Variants in CCDC7 observed in about 807,000 individuals in gnomAD.
The protein encoded by CCDC7 is coiled-coil domain-containing protein 7.
Under a neutral mutation model 196.9 loss-of-function variants are expected in CCDC7, and 183 were observed. The observed-to-expected ratio is 0.93, with a 90% CI of 0.82 to 1.05. The LOEUF (loss-of-function observed/expected upper bound fraction) is 1.05. Among genes scored for constraint, CCDC7 ranks in the 50% least tolerant of loss-of-function variants. The pLI is 0.00. For missense variants in CCDC7, 1,540 were observed against 1,482.2 expected, an observed-to-expected ratio of 1.04 and a Z score of -0.64; for synonymous variants, 525 against 484.6, an observed-to-expected ratio of 1.08 and a Z score of -1.10.
upstream of CCDC7, among the ~76,000 whole-genome samples, chr10:32,443,493 G>A (rs1279316386): frequency 6.6e-6 from 1 of 152,138 alleles, no homozygotes; most frequent in African/African-American, 2.4e-5. Flanking sequence ...TAACTTTCAG[G>A]TATGGCACGA....
At chr10:32,482,768 G>T (rs1323821622) in intron 8 of CCDC7, among the ~76,000 whole-genome samples, 1 of 151,980 alleles carries the variant, frequency 6.6e-6, no homozygotes, top group African/African-American at 2.4e-5. Flanking sequence ...TTGTCCTTGC[G>T]ATAGTTTGCT....
chr10:32,572,416 T>C (rs1327915251), intron 16 of CCDC7, among the ~76,000 whole-genome samples: 1 of 152,136 alleles, frequency 6.6e-6, no homozygotes, highest in Non-Finnish European at 1.5e-5. Flanking sequence ...TTGATTCACA[T>C]TACCATGGAG....
intron 24 of CCDC7, among the ~76,000 whole-genome samples, chr10:32,702,924 G>T (rs2079012338): frequency 6.6e-6 from 1 of 152,224 alleles, no homozygotes; most frequent in South Asian, 2.1e-4. Flanking sequence ...CACGTGAGAT[G>T]GGTTTCCTGA....
intron 29 of CCDC7, among the ~76,000 whole-genome samples, chr10:32,802,752 T>C (rs371352918): frequency 7.2e-5 from 11 of 152,320 alleles, no homozygotes; most frequent in African/African-American, 2.6e-4. Context: ...ACTACTGGTG[T>C]AGGTCCAAGA....
intron 20 of CCDC7, among the ~76,000 whole-genome samples, chr10:32,654,584 T>G (rs2140232142): frequency 6.6e-6 from 1 of 152,300 alleles, no homozygotes; most frequent in East Asian, 1.9e-4. Context: ...AGTGATCAGC[T>G]AATGACTAGA....
rs1317058090 is a variant in CCDC7, at chr10:32,698,035, G to A, written c.2458+3043G>A. Among the ~76,000 whole-genome samples, 5 of 152,336 alleles carry A rather than the reference G, an allele frequency of 3.3e-5. No individual in the cohort carries two copies. In the East Asian group the frequency reaches 9.6e-4, roughly 29 times the overall value. ...GCAATATTATATTTGCTGTTCTGCA[G>A]CCTCCGCTGGTGATACCCAGGCAAA... On this transcript the variant is annotated intron_variant, in intron 24 of 41. Transcript: ENST00000639629.
chr10:32,731,213 G>T (rs935412985), intron 28 of CCDC7, among the ~76,000 whole-genome samples: 2 of 151,952 alleles, frequency 1.3e-5, no homozygotes, highest in Admixed American at 1.3e-4. Flanking sequence ...AAGGTCTTTT[G>T]ACTAAAAGTC....
chr10:32,880,276 T>C (rs531801461), downstream of CCDC7, among the ~76,000 whole-genome samples: 1 of 152,308 alleles, frequency 6.6e-6, no homozygotes, highest in South Asian at 2.1e-4. Flanking sequence ...TCATTGTGGC[T>C]TTGATTTGCA....
rs1033024286 is a variant in CCDC7, at chr10:32,571,970, C to G, written c.1454+77C>G. 10 of 1,319,136 alleles carry G rather than the reference C, an allele frequency of 7.6e-6. No homozygotes were observed. The Admixed American group carries it at 1.2e-4, about 16-fold the overall frequency. 81.7% of individuals were successfully genotyped at this position (1,319,136 alleles called of 1,614,324 possible). A position where few individuals can be genotyped will look rare whatever the true frequency, so the allele number is the denominator to read the frequency against. The stretch of plus-strand genomic sequence containing the variant: ...CACATACCTAAGCAATGAAAATAAC[C>G]ATTCTAAATTTAATGTCACAAAACT... On this transcript the variant is annotated intron_variant, in intron 16 of 41. Transcript: ENST00000639629.
chr10:32,848,602 A>T, exon 39 of CCDC7: 1 of 1,480,190 alleles, frequency 6.8e-7, no homozygotes, highest in Non-Finnish European at 9.5e-7. Flanking sequence ...TTAGATGTGA[A>T]CTTATTTAAA....
intron 18 of CCDC7, among the ~76,000 whole-genome samples, chr10:32,587,741 C>T (rs549600192): frequency 5.3e-5 from 8 of 152,176 alleles, no homozygotes; most frequent in African/African-American, 1.9e-4. Context: ...ATTTGGATGG[C>T]CTTTGTTTCT....
intron 18 of CCDC7, among the ~76,000 whole-genome samples, chr10:32,604,739 A>T (rs9663841): frequency 0.083 from 12,610 of 152,052 alleles, 567 homozygotes; most frequent in East Asian, 0.16. Flanking sequence ...TTAATGTTGT[A>T]TAGAAATGCA....
chr10:32,590,315 G>A (rs141915665), intron 18 of CCDC7, among the ~76,000 whole-genome samples: 188 of 136,334 alleles, frequency 1.4e-3, no homozygotes, highest in African/African-American at 4.2e-3. Context: ...AACACTGATT[G>A]CACAAATAAC....
rs979499816 is a variant in CCDC7, at chr10:32,534,435, G to T, written c.994-8865G>T. Among the ~76,000 whole-genome samples, 6 of 152,092 alleles carry T rather than the reference G, an allele frequency of 3.9e-5. No homozygotes were observed. The East Asian group carries it at 1.2e-3, about 29-fold the overall frequency. On this transcript the variant is annotated intron_variant, in intron 11 of 41. Transcript: ENST00000639629. The stretch of plus-strand genomic sequence containing the variant: ...GTTTTTGCTTTGTCCTTTTGGGGAG[G>T]TTATGATTTCTTGTTTGCTGTTGTT...
rs187092233 is a variant in CCDC7 at position 32,559,000 on chromosome 10, G to A, written c.1135-6558G>A. Among the ~76,000 whole-genome samples, 563 of 152,348 alleles carry A rather than the reference G, an allele frequency of 3.7e-3. 5 individuals carry two copies. The highest frequency in any genetic ancestry group is 6.1e-3 in the Admixed American group (93 of 15,306). ...TTTTCCAACAGGCTTAAAAAACAGC[G>A]CACCAGGAGATTATATCCCGCACAT... On this transcript the variant is annotated intron_variant, in intron 13 of 41. Transcript: ENST00000639629.
At chr10:32,645,584 T>G (rs1049459214) in intron 20 of CCDC7, among the ~76,000 whole-genome samples, 5 of 151,336 alleles carry the variant, frequency 3.3e-5, no homozygotes, top group African/African-American at 1.2e-4. Flanking sequence ...CCTCTTCAAG[T>G]TTTTGGGATA....
At chr10:32,444,473 T>C (rs902830719), upstream of CCDC7, among the ~76,000 whole-genome samples, 3 of 152,112 alleles carry the variant, frequency 2.0e-5, no homozygotes, top group Non-Finnish European at 1.5e-5. Context: ...ATGCTGAGAG[T>C]TTTGCTAATG....
intron 3 of CCDC7, among the ~76,000 whole-genome samples, chr10:32,459,646 ATTTTTT>A (rs60002951): frequency 4.2e-3 from 292 of 68,732 alleles, no homozygotes; most frequent in African/African-American, 0.019. Flanking sequence ...CCTGCTGCAC[ATTTTTT>A]TTTTTTTTTT....
intron 18 of CCDC7, among the ~76,000 whole-genome samples, chr10:32,614,578 G>A (rs972403187): frequency 6.6e-6 from 1 of 152,004 alleles, no homozygotes; most frequent in Non-Finnish European, 1.5e-5. Flanking sequence ...ATTTCATAGT[G>A]GTGAAATATG....
Sources: allele counts gnomAD v4.1 joint callset (sites outside exome capture counted in the v4.1 genomes callset), GRCh38; gene constraint gnomAD v4.1.1; transcripts MANE v1.5; gene names NCBI Gene and HGNC (gene_info 2026-07-23, HGNC 2026-07-21).